Variants in PDS5A observed in about 807,000 individuals in gnomAD.
The protein encoded by PDS5A is sister chromatid cohesion protein PDS5 homolog A.
A neutral mutation model predicts 167.1 loss-of-function variants in PDS5A; 42 were observed. The observed-to-expected ratio is 0.25, with a 90% CI of 0.20 to 0.33. The LOEUF is 0.33. Among genes scored for constraint, PDS5A ranks in the 10% least tolerant of loss-of-function variants. The pLI, the probability that PDS5A is intolerant of heterozygous loss-of-function variation, is 1.00. For missense variants in PDS5A, 1,033 were observed against 1,605.9 expected, an observed-to-expected ratio of 0.64 and a Z score of 6.10; for synonymous variants, 553 against 554.6, an observed-to-expected ratio of 1.00 and a Z score of 0.04.
chr4:39,838,348 A>C, intron 31 of PDS5A, 140 bp from the exon 32 acceptor site: 1 of 642,730 alleles, frequency 1.6e-6, no homozygotes, highest in Non-Finnish European at 2.6e-6. Flanking sequence ...ACATTAGGAA[A>C]GTAAGCTCCT....
At chr4:39,850,830 A>G (rs571879742) in intron 26 of PDS5A, among the ~76,000 whole-genome samples, 1 of 152,364 alleles carries the variant, frequency 6.6e-6, no homozygotes, top group Admixed American at 6.5e-5. Context: ...AATTGTTTGG[A>G]TAACTTAAAT....
intron 2 of PDS5A, among the ~76,000 whole-genome samples, chr4:39,946,175 CA>C (rs1727739877): frequency 7.5e-6 from 1 of 132,644 alleles, no homozygotes; most frequent in Non-Finnish European, 1.5e-5. Context: ...TCACTGCACT[CA>C]AACCTGGGTG....
chr4:39,893,169 A>G (rs1400140043), intron 16 of PDS5A, among the ~76,000 whole-genome samples: 1 of 152,214 alleles, frequency 6.6e-6, no homozygotes, highest in Non-Finnish European at 1.5e-5. Context: ...GAGGGGGGCA[A>G]TGGAGCATAA....
chr4:39,886,843 T>C (rs1721521337), intron 17 of PDS5A, among the ~76,000 whole-genome samples: 1 of 152,200 alleles, frequency 6.6e-6, no homozygotes, highest in Admixed American at 6.5e-5. Context: ...CTTTCACTTA[T>C]TTGCTTAAGT....
intron 32 of PDS5A, among the ~76,000 whole-genome samples, chr4:39,831,121 G>A (rs1715824218): frequency 2.6e-5 from 4 of 151,836 alleles, no homozygotes; most frequent in Admixed American, 2.0e-4. Flanking sequence ...ATGGAGTCTT[G>A]TTCTGTCATC....
chr4:39,900,596 T>C, intron 13 of PDS5A, 89 bp from the exon 14 acceptor site: 2 of 776,168 alleles, frequency 2.6e-6, no homozygotes, highest in South Asian at 1.5e-5. Flanking sequence ...ATGCTGTATA[T>C]ACACCATTCT....
intron 2 of PDS5A, among the ~76,000 whole-genome samples, chr4:39,961,368 G>A (rs1401425813): frequency 6.6e-6 from 1 of 151,610 alleles, no homozygotes; most frequent in Non-Finnish European, 1.5e-5. Context: ...GCGCCATCTC[G>A]GCTCACTGTC....
At chr4:39,947,862 C>A (rs1159550796) in intron 2 of PDS5A, among the ~76,000 whole-genome samples, 2 of 152,132 alleles carry the variant, frequency 1.3e-5, no homozygotes, top group African/African-American at 4.8e-5. Context: ...TCCCAGTAGG[C>A]CCCAATTCCC....
intron 2 of PDS5A, among the ~76,000 whole-genome samples, chr4:39,968,297 G>C (rs1225950483): frequency 6.7e-6 from 1 of 149,426 alleles, no homozygotes; most frequent in Non-Finnish European, 1.5e-5. Flanking sequence ...TGTGAACCCT[G>C]TATTAGTTTC....
intron 2 of PDS5A, among the ~76,000 whole-genome samples, chr4:39,935,573 GA>G (rs1726518113): frequency 6.6e-6 from 1 of 151,972 alleles, no homozygotes; most frequent in Non-Finnish European, 1.5e-5. Context: ...CATCTTTGTT[GA>G]AAAAAACTGC....
At chr4:39,883,275 G>A (rs970569197) in intron 17 of PDS5A, among the ~76,000 whole-genome samples, 1 of 152,092 alleles carries the variant, frequency 6.6e-6, no homozygotes, top group Non-Finnish European at 1.5e-5. Context: ...CCGCCTCCCA[G>A]GTTCAAGTGA....
rs1353889574 is a variant in PDS5A, at chr4:39,977,423, C to G, written c.-41+34G>C. The G allele has an allele frequency of 1.3e-5, 2 of 153,360 alleles. No individual in the cohort carries two copies. Among genetic ancestry groups the G allele is most frequent in the African/African-American group, 2.4e-5 (1 of 41,402 alleles). The allele number at this position is 153,360 out of a possible 1,614,324, so 9.5% of individuals were successfully genotyped here. A position where few individuals can be genotyped will look rare whatever the true frequency, so the allele number is the denominator to read the frequency against. ...CCCTTCCGTCCCCTCCCTCCAGCAGCCTAGGGCGGGAGCCGAGCCGCCGCC... is the reference window on the plus strand; with the variant it reads ...CCCTTCCGTCCCCTCCCTCCAGCAGGCTAGGGCGGGAGCCGAGCCGCCGCC... On this transcript the variant is annotated intron_variant, in intron 1 of 32. Transcript: ENST00000303538. The surrounding 1 kb of genome is among the most constrained non-coding windows in gnomAD (Gnocchi z 4.2).
rs147391109 is a variant in PDS5A at position 39,945,978 on chromosome 4, G to T, written c.139-17814C>A. 7.2e-3 allele frequency among the ~76,000 whole-genome samples: 1,097 copies of T among 151,738 alleles called. 13 individuals carry two copies. Among genetic ancestry groups the T allele is most frequent in the African/African-American group, 0.025 (1,013 of 41,222 alleles). On this transcript the variant is annotated intron_variant, in intron 2 of 32. Coordinates refer to ENST00000303538, the MANE Select transcript of PDS5A (RefSeq NM_001100399.2). ...GCACTTTGGGAGGCCGTGGAGGGAG[G>T]GGGGGATCACTTGAGGTCAGGAGTT...
chr4:39,833,191 CAAAAAAAA>C (rs1166233113), intron 32 of PDS5A, among the ~76,000 whole-genome samples: 12 of 37,926 alleles, frequency 3.2e-4, no homozygotes, highest in Admixed American at 1.5e-3. Flanking sequence ...AACTCCGTCT[CAAAAAAAA>C]AAAAAAAAAA....
intron 2 of PDS5A, among the ~76,000 whole-genome samples, chr4:39,970,443 A>C (rs1164258370): frequency 2.5e-5 from 1 of 39,426 alleles, no homozygotes; most frequent in Non-Finnish European, 6.3e-5. Context: ...TCAAATGCTT[A>C]AAAAAAAAAA....
intron 17 of PDS5A, among the ~76,000 whole-genome samples, chr4:39,882,218 T>C (rs895150352): frequency 6.6e-6 from 1 of 152,242 alleles, no homozygotes; most frequent in African/African-American, 2.4e-5. Flanking sequence ...CTAACTGTCC[T>C]TTCTTGTGCT....
At chr4:39,943,130 ACACACACAC>A in intron 2 of PDS5A, among the ~76,000 whole-genome samples, 6 of 9,020 alleles carry the variant, frequency 6.7e-4, no homozygotes, top group African/African-American at 1.0e-3. Context: ...AAATACACAC[ACACACACAC>A]ACACACACAC....
At chr4:39,833,094 G>A (rs1003186437) in intron 32 of PDS5A, among the ~76,000 whole-genome samples, 1 of 146,500 alleles carries the variant, frequency 6.8e-6, no homozygotes. Flanking sequence ...GGGAGGCTGA[G>A]GCAGGAGAAT....
chr4:39,922,763 A>AG lies in PDS5A; in HGVS notation c.528-16_528-15insC. 2.0e-6 allele frequency: 3 copies of AG among 1,473,978 alleles called. No individual in the cohort carries two copies. Among genetic ancestry groups the AG allele is most frequent in the Non-Finnish European group, 2.7e-6 (3 of 1,111,582 alleles). The allele number at this position is 1,473,978 out of a possible 1,614,324, so 91.3% of individuals were successfully genotyped here. ...TGTGGCTATTGCTATAAAAAAAAAA[A>AG]AAAAAGAATAAGTAGTAGGAGGAGG... On this transcript the variant is annotated splice_polypyrimidine_tract_variant and intron_variant, in intron 5 of 32. Coordinates refer to ENST00000303538, the MANE Select transcript of PDS5A (RefSeq NM_001100399.2).
Sources: gnomAD v4.1 joint callset for allele counts (sites outside exome capture counted in the v4.1 genomes callset) on GRCh38, gnomAD v4.1.1 for gene constraint, Gnocchi (gnomAD v3.1) non-coding constraint, MANE v1.5 for transcripts, NCBI Gene and HGNC (gene_info 2026-07-23, HGNC 2026-07-21) for gene names.